The following GPC6 variants were observed in gnomAD, a reference collection of about 807,000 sequenced individuals.
GPC6 encodes glypican-6.
A neutral mutation model predicts 55.2 loss-of-function variants in GPC6; 14 were observed. The observed-to-expected ratio is 0.25, with a 90% CI of 0.17 to 0.40. GPC6 has a LOEUF of 0.40. Ranked by LOEUF, GPC6 falls within the 10% of genes least tolerant of loss-of-function variation. GPC6 has a pLI of 1.00. For missense variants in GPC6, 641 were observed against 708.5 expected, an observed-to-expected ratio of 0.90 and a Z score of 1.08; for synonymous variants, 278 against 259.6, an observed-to-expected ratio of 1.07 and a Z score of -0.68.
At chr13:93,860,953 C>T (rs1262272696) in intron 3 of GPC6, among the ~76,000 whole-genome samples, 1 of 151,480 alleles carries the variant, frequency 6.6e-6, no homozygotes, top group East Asian at 2.0e-4. Flanking sequence ...TCTGGGTTTG[C>T]ATGCAGGACT....
intron 1 of GPC6, among the ~76,000 whole-genome samples, chr13:93,350,317 C>G (rs146654560): frequency 6.6e-6 from 1 of 151,974 alleles, no homozygotes; most frequent in Non-Finnish European, 1.5e-5. Flanking sequence ...TGCTTTAGTC[C>G]CAGCTACTCA....
At position 94,145,137 on chromosome 13, in the gene GPC6, G is replaced by GTGGATGGATGGATGGA. The variant is rs112864050; in HGVS notation, c.877+117264_877+117279dup. ...ATTTATTAAATGACTGGATGGATGG[G>GTGGATGGATGGATGGA]TGGATGGATGGATGGATGGATGGAT... On this transcript the variant is annotated intron_variant, in intron 4 of 8. Coordinates refer to ENST00000377047, the MANE Select transcript of GPC6 (RefSeq NM_005708.5). 1.7e-4 allele frequency among the ~76,000 whole-genome samples: 25 copies of GTGGATGGATGGATGGA among 149,876 alleles called. 1 individual carries two copies. Among genetic ancestry groups the GTGGATGGATGGATGGA allele is most frequent in the Admixed American group, 4.7e-4 (7 of 14,976 alleles).
intron 2 of GPC6, among the ~76,000 whole-genome samples, chr13:93,813,172 G>C (rs1345044484): frequency 1.3e-5 from 2 of 152,080 alleles, no homozygotes; most frequent in Non-Finnish European, 2.9e-5. Context: ...TATATTACCA[G>C]ATAAATGAAA....
intron 4 of GPC6, among the ~76,000 whole-genome samples, chr13:94,200,226 A>C (rs1889709192): frequency 2.0e-5 from 3 of 152,070 alleles, no homozygotes; most frequent in African/African-American, 7.2e-5. Context: ...TGCTCTCTGG[A>C]AACTTCAAAG....
chr13:94,208,599 A>C (rs1330700073), intron 4 of GPC6, among the ~76,000 whole-genome samples: 2 of 151,952 alleles, frequency 1.3e-5, no homozygotes, highest in Non-Finnish European at 2.9e-5. Flanking sequence ...AAGTGCAGGG[A>C]TTTGTCCTTT....
At chr13:94,354,534 T>G (rs547940670) in intron 6 of GPC6, among the ~76,000 whole-genome samples, 1 of 152,330 alleles carries the variant, frequency 6.6e-6, no homozygotes, top group African/African-American at 2.4e-5. Flanking sequence ...CTCCAACACT[T>G]TCCAATGCTA....
chr13:93,719,123 A>G (rs927846248), intron 2 of GPC6, among the ~76,000 whole-genome samples: 1 of 152,058 alleles, frequency 6.6e-6, no homozygotes, highest in Non-Finnish European at 1.5e-5. Context: ...CTGCGAAGAA[A>G]GTCAAAGGTA....
chr13:94,402,509 G>A (rs74103916), intron 8 of GPC6, among the ~76,000 whole-genome samples: 1,692 of 152,276 alleles, frequency 0.011, 27 homozygotes, highest in African/African-American at 0.038. Context: ...AATCCTGTTG[G>A]GTAGGGTGGG....
rs1433147259 is a variant in GPC6 at position 93,388,879 on chromosome 13, G to A, written c.161-156384G>A. Among the ~76,000 whole-genome samples the A allele has an allele frequency of 2.6e-5, 4 of 152,254 alleles. No individual in the cohort carries two copies. In the East Asian group the frequency reaches 7.7e-4, roughly 29 times the overall value. The stretch of plus-strand genomic sequence containing the variant: ...GAAAGGGCTTGGCAAAATGCTCAAA[G>A]GACTTATGAGTGTGTGAGTGAGTCA... On this transcript the variant is annotated intron_variant, in intron 1 of 8. Transcript: ENST00000377047.
intron 4 of GPC6, among the ~76,000 whole-genome samples, chr13:94,117,593 T>C (rs942048520): frequency 1.3e-5 from 2 of 152,108 alleles, no homozygotes; most frequent in Admixed American, 1.3e-4. Flanking sequence ...CCTTCATTTG[T>C]TGGCTCAGAA....
chr13:94,202,293 C>G (rs186745503), intron 4 of GPC6, among the ~76,000 whole-genome samples: 1 of 152,254 alleles, frequency 6.6e-6, no homozygotes, highest in East Asian at 1.9e-4. Flanking sequence ...CTCTAAGATG[C>G]TTGTGGTACT....
intron 1 of GPC6, among the ~76,000 whole-genome samples, chr13:93,273,168 C>A (rs143849060): frequency 7.8e-4 from 118 of 152,232 alleles, no homozygotes; most frequent in Middle Eastern, 3.4e-3. Flanking sequence ...TCTCTGACAT[C>A]TAGGAATATG....
chr13:94,373,216 A>C (rs1879670127), intron 6 of GPC6, among the ~76,000 whole-genome samples: 1 of 152,116 alleles, frequency 6.6e-6, no homozygotes, highest in Admixed American at 6.6e-5. Flanking sequence ...TGGATGGAGA[A>C]TGACTTTGAC....
chr13:93,783,588 A>G (rs1021866594), intron 2 of GPC6, among the ~76,000 whole-genome samples: 6 of 152,146 alleles, frequency 3.9e-5, no homozygotes, highest in Middle Eastern at 3.4e-3. Context: ...CTATCTATCT[A>G]TCTATCTATC....
chr13:94,144,553 GTGTGT>G (rs1887496735), intron 4 of GPC6, among the ~76,000 whole-genome samples: 1 of 20,352 alleles, frequency 4.9e-5, no homozygotes, highest in Admixed American at 7.7e-4. Flanking sequence ...GTGTATGTGT[GTGTGT>G]GTGTGTGTGT....
rs183122733 is a variant in GPC6, at chr13:93,718,652, T to C, written c.320-111502T>C. On this transcript the variant is annotated intron_variant, in intron 2 of 8. Transcript: ENST00000377047. ...ATTTTGGCTTTTGTTGCAATTGCTCTTGGTGTTTTAGGCATGAATTCTTTG... is the reference window on the plus strand; with the variant it reads ...ATTTTGGCTTTTGTTGCAATTGCTCCTGGTGTTTTAGGCATGAATTCTTTG... 1.8e-3 allele frequency among the ~76,000 whole-genome samples: 276 copies of C among 152,250 alleles called. 3 individuals carry two copies. Among genetic ancestry groups the C allele is most frequent in the African/African-American group, 5.9e-3 (246 of 41,564 alleles).
intron 1 of GPC6, among the ~76,000 whole-genome samples, chr13:93,377,542 T>G (rs1301388952): frequency 1.3e-5 from 2 of 152,182 alleles, no homozygotes; most frequent in African/African-American, 2.4e-5. Context: ...TGAAAAACGT[T>G]GATAAAACAA....
chr13:94,245,146 A>C (rs1891159701), intron 4 of GPC6, among the ~76,000 whole-genome samples: 1 of 152,072 alleles, frequency 6.6e-6, no homozygotes, highest in African/African-American at 2.4e-5. Flanking sequence ...GCTACTTTGT[A>C]TCCTTTGACC....
intron 2 of GPC6, among the ~76,000 whole-genome samples, chr13:93,613,529 AAACACAC>A (rs554513617): frequency 0.04 from 5,152 of 128,388 alleles, 287 homozygotes; most frequent in African/African-American, 0.13. Context: ...CACACACACA[AAACACAC>A]ACACACACAC....
Sources: gnomAD v4.1 joint callset for allele counts (sites outside exome capture counted in the v4.1 genomes callset) on GRCh38, gnomAD v4.1.1 for gene constraint, MANE v1.5 for transcripts, NCBI Gene and HGNC (gene_info 2026-07-23, HGNC 2026-07-21) for gene names.